Variants in XKR9 observed in about 807,000 individuals in gnomAD.
XKR9 encodes the protein XK related 9.
A neutral mutation model predicts 32.0 loss-of-function variants in XKR9; 32 were observed. The ratio of observed to expected loss-of-function variants is 1.00; its 90% CI spans 0.76 to 1.34. The LOEUF is 1.34. Among genes scored for constraint, XKR9 ranks in the 40% most tolerant of loss-of-function variants. The probability of loss-of-function intolerance (pLI) is 0.00; values close to 1 mark genes in which losing one functional copy is unlikely to be tolerated. For missense variants in XKR9, 546 were observed against 429.7 expected (o/e 1.27, Z -2.39); for synonymous variants, 168 against 143.4 (o/e 1.17, Z -1.22).
At chr8:70,996,022 A>G in the XKR9 span, among the ~76,000 whole-genome samples, 2 of 152,124 alleles carry the variant, frequency 1.3e-5, no homozygotes, top group South Asian at 4.1e-4. Flanking sequence ...GTATTTTTGT[A>G]CACAACTTCT....
At chr8:71,003,182 A>G in the XKR9 span, among the ~76,000 whole-genome samples, 12 of 152,202 alleles carry the variant, frequency 7.9e-5, no homozygotes, top group Non-Finnish European at 1.5e-4. Context: ...CTCTTTATAC[A>G]GTTTTATAAC....
At position 70,669,774 on chromosome 8, in the gene XKR9, C is replaced by T. The variant is rs189082113; in HGVS notation, c.-361+236C>T. Among the ~76,000 whole-genome samples the T allele has an allele frequency of 3.9e-3, 595 of 151,330 alleles. 5 individuals carry two copies. Among genetic ancestry groups the T allele is most frequent in the African/African-American group, 0.014 (561 of 41,302 alleles). On this transcript the variant is annotated intron_variant, in intron 1 of 4. Transcript: ENST00000408926. ...CCCCGCCTCCCGGGTTCACGCCATCCTCCTGCCTCGGCCTCCCGAGTAGCT... is the reference window on the plus strand; with the variant it reads ...CCCCGCCTCCCGGGTTCACGCCATCTTCCTGCCTCGGCCTCCCGAGTAGCT...
At chr8:70,767,496 C>CTTTTTTTTTTTTTTTT (rs34400671) in intron 2 of XKR9, among the ~76,000 whole-genome samples, 5 of 99,350 alleles carry the variant, frequency 5.0e-5, no homozygotes, top group African/African-American at 8.0e-5. Flanking sequence ...TCTTTTCCTT[C>CTTTTTTTTTTTTTTTT]TTTTTTTTTT....
At chr8:70,764,518 A>C (rs1807349237) in intron 2 of XKR9, among the ~76,000 whole-genome samples, 2 of 152,196 alleles carry the variant, frequency 1.3e-5, no homozygotes. Context: ...GACTTCTTCT[A>C]TATGAAAGTC....
chr8:70,820,732 G>C, the XKR9 span, among the ~76,000 whole-genome samples: 1 of 152,146 alleles, frequency 6.6e-6, no homozygotes. Context: ...AAGAGTTAAG[G>C]GGGAAGAGCC....
At chr8:70,767,363 C>G (rs1318721648) in intron 2 of XKR9, among the ~76,000 whole-genome samples, 1 of 151,990 alleles carries the variant, frequency 6.6e-6, no homozygotes, top group Non-Finnish European at 1.5e-5. Flanking sequence ...TCCATTTCTT[C>G]TAGATTTTGT....
At chr8:71,053,497 A>G in the XKR9 span, among the ~76,000 whole-genome samples, 5 of 152,336 alleles carry the variant, frequency 3.3e-5, 1 homozygote, top group South Asian at 1.0e-3. Flanking sequence ...GGAAATGGAG[A>G]AGATCATATA....
intron 3 of XKR9, among the ~76,000 whole-genome samples, chr8:70,682,074 A>G (rs1193799603): frequency 6.6e-6 from 1 of 152,130 alleles, no homozygotes; most frequent in East Asian, 1.9e-4. Context: ...AGCTATAGTT[A>G]TTATGTTTTT....
At chr8:70,703,555 C>G (rs1216003920) in intron 3 of XKR9, among the ~76,000 whole-genome samples, 1 of 152,076 alleles carries the variant, frequency 6.6e-6, no homozygotes, top group Non-Finnish European at 1.5e-5. Context: ...CTTCAAAAGG[C>G]TCTCCACCTC....
At chr8:71,004,810 T>A in the XKR9 span, among the ~76,000 whole-genome samples, 1 of 151,990 alleles carries the variant, frequency 6.6e-6, no homozygotes, top group South Asian at 2.1e-4. Flanking sequence ...CATGGGGAAA[T>A]CTCTCACTTG....
At chr8:70,717,078 A>G (rs1052642925) in intron 4 of XKR9, among the ~76,000 whole-genome samples, 1 of 152,192 alleles carries the variant, frequency 6.6e-6, no homozygotes, top group African/African-American at 2.4e-5. Flanking sequence ...CTGATGCAAG[A>G]GGTGGACTCC....
chr8:70,924,296 C>T, the XKR9 span, among the ~76,000 whole-genome samples: 1 of 152,160 alleles, frequency 6.6e-6, no homozygotes, highest in African/African-American at 2.4e-5. Context: ...AGCTTCTTAT[C>T]CTGTTTTTCT....
chr8:70,854,634 T>C, the XKR9 span, among the ~76,000 whole-genome samples: 1 of 152,198 alleles, frequency 6.6e-6, no homozygotes, highest in Non-Finnish European at 1.5e-5. Context: ...CAGGTTTTCT[T>C]CTAGGGTTTT....
At chr8:70,796,774 T>A in the XKR9 span, among the ~76,000 whole-genome samples, 1 of 152,222 alleles carries the variant, frequency 6.6e-6, no homozygotes, top group Non-Finnish European at 1.5e-5. Context: ...ACACAGGACA[T>A]ACTGCTAGGC....
downstream of XKR9, among the ~76,000 whole-genome samples, chr8:70,740,290 A>G: frequency 6.6e-6 from 1 of 151,996 alleles, no homozygotes; most frequent in Non-Finnish European, 1.5e-5. Context: ...TTCTTCACGT[A>G]GTTCTCGAGC....
chr8:70,745,871 G>T (rs1563465778), intron 2 of XKR9, among the ~76,000 whole-genome samples: 1 of 152,074 alleles, frequency 6.6e-6, no homozygotes, highest in Non-Finnish European at 1.5e-5. Context: ...TGATTGTGGG[G>T]GTCAGAGATA....
the XKR9 span, among the ~76,000 whole-genome samples, chr8:70,838,654 C>T: frequency 1.3e-5 from 2 of 152,046 alleles, no homozygotes; most frequent in African/African-American, 4.8e-5. Context: ...AAAGCAGTCC[C>T]ATCTTTCTCT....
the XKR9 span, among the ~76,000 whole-genome samples, chr8:70,854,841 G>A: frequency 2.0e-5 from 3 of 152,212 alleles, no homozygotes; most frequent in East Asian, 5.8e-4. Context: ...CAGATATGTG[G>A]CATTATTTCT....
intron 4 of XKR9, among the ~76,000 whole-genome samples, chr8:70,715,240 T>C (rs540796724): frequency 2.6e-5 from 4 of 152,194 alleles, no homozygotes; most frequent in Non-Finnish European, 5.9e-5. Flanking sequence ...TTAAACTAAA[T>C]GTAGTCTCAA....
Sources: allele counts gnomAD v4.1 joint callset (sites outside exome capture counted in the v4.1 genomes callset), GRCh38; gene constraint gnomAD v4.1.1; transcripts MANE v1.5; gene names NCBI Gene and HGNC (gene_info 2026-07-23, HGNC 2026-07-21).